PCDHGA4: variants seen among roughly 807,000 people sequenced by gnomAD.
PCDHGA4 encodes protocadherin gamma-A4.
PCDHGA4 carries 38 observed loss-of-function variants against 54.6 expected under a neutral mutation model. The observed-to-expected ratio is 0.70, with a 90% CI of 0.54 to 0.91. The LOEUF (loss-of-function observed/expected upper bound fraction) is 0.91, where lower values mean the gene tolerates loss of function less well. Among genes scored for constraint, PCDHGA4 ranks in the 40% least tolerant of loss-of-function variants. PCDHGA4 has a pLI of 0.00. For synonymous variants in PCDHGA4, 511 were observed against 512.9 expected, an observed-to-expected ratio of 1.00 and a Z score of 0.05; for missense variants, 1,298 against 1,220.9, an observed-to-expected ratio of 1.06 and a Z score of -0.94.
chr5:141,375,377 C>G, intron 1 of PCDHGA4: 1 of 1,613,940 alleles, frequency 6.2e-7, no homozygotes, highest in South Asian at 1.1e-5. Context: ...AACACCACCT[C>G]TGTCTACAGA....
intron 1 of PCDHGA4, among the ~76,000 whole-genome samples, chr5:141,469,108 C>A (rs923728484): frequency 4.0e-5 from 6 of 151,768 alleles, no homozygotes; most frequent in Non-Finnish European, 5.9e-5. Context: ...AAGAACCTGT[C>A]TCTAAAAAAA....
At position 141,383,863 on chromosome 5, in the gene PCDHGA4, C is replaced by G. The variant is rs768251798; in HGVS notation, c.2514+26242C>G. ...CTTCTATGAAATGGAGGTTCAGGCT[C>G]AAGATGGTCCTGGTAGTCTGACAAA... On this transcript the variant is annotated intron_variant, in intron 1 of 3. Coordinates refer to ENST00000571252, the MANE Select transcript of PCDHGA4 (RefSeq NM_018917.4). 4.3e-6 allele frequency: 7 copies of G among 1,613,772 alleles called. No homozygotes were observed. Among genetic ancestry groups the G allele is most frequent in the African/African-American group, 2.7e-5 (2 of 74,914 alleles).
At position 141,383,772 on chromosome 5, in the gene PCDHGA4, G is replaced by A. The variant is rs187406135; in HGVS notation, c.2514+26151G>A. The A allele has an allele frequency of 1.7e-5, 27 of 1,613,982 alleles. No homozygotes were observed. Among genetic ancestry groups the A allele is most frequent in the Admixed American group, 8.3e-5 (5 of 60,026 alleles). ...AAATAACTCCTAAACTTCCAAAGAT[G>A]TTTCATCTGAACTCGCTTACAGGAG... is the stretch of plus-strand genomic sequence containing the variant. On this transcript the variant is annotated intron_variant, in intron 1 of 3. Transcript: ENST00000571252.
intron 1 of PCDHGA4, chr5:141,391,580 C>A (rs1392857666): frequency 3.3e-5 from 5 of 152,116 alleles, no homozygotes; most frequent in South Asian, 2.1e-4. Flanking sequence ...AATATATTCA[C>A]AGGAAAATAT....
At chr5:141,391,837 T>C (rs2092427916) in intron 1 of PCDHGA4, 1 of 152,236 alleles carries the variant, frequency 6.6e-6, no homozygotes, top group Non-Finnish European at 1.5e-5. Flanking sequence ...TTAGAATATA[T>C]GTAAAAGTCA....
chr5:141,383,347 G>A, intron 1 of PCDHGA4: 1 of 1,614,012 alleles, frequency 6.2e-7, no homozygotes, highest in Non-Finnish European at 8.5e-7. Context: ...AGCTCCTGGG[G>A]TTCGGTTTCC....
At chr5:141,389,828 A>C in intron 1 of PCDHGA4, 1 of 1,613,938 alleles carries the variant, frequency 6.2e-7, no homozygotes, top group Non-Finnish European at 8.5e-7. Flanking sequence ...GTGACGGTGG[A>C]CAGCCACCAC....
chr5:141,415,740 GTTTTTTTTTTTTTTTTTT>G (rs57426385), intron 1 of PCDHGA4: 9 of 625,028 alleles, frequency 1.4e-5, no homozygotes, highest in African/African-American at 5.0e-5. Flanking sequence ...GTTTATTAAG[GTTTTTTTTTTTTTTTTTT>G]TTTTTTTTTT....
At position 141,356,124 on chromosome 5, in the gene PCDHGA4, T is replaced by C. The variant is rs1402643730; in HGVS notation, c.1017T>C (p.Asp339=). Residue 339 remains aspartate, a synonymous_variant, in exon 1 of 4, where the codon GAT becomes GAC. Transcript: ENST00000571252. ...ATATAACAATATTGGGGGGTCTAGA[T>C]TATGAGGACTCTGGATTCTATGACA... is the stretch of plus-strand genomic sequence containing the variant. ...SGDITILGGL[D]YEDSGFYDID... The C allele has an allele frequency of 1.9e-6, 3 of 1,613,758 alleles. No individual in the cohort carries two copies. Among genetic ancestry groups the C allele is most frequent in the Non-Finnish European group, 2.5e-6 (3 of 1,179,866 alleles).
At chr5:141,394,883 ACT>A (rs1415060925) in intron 1 of PCDHGA4, 4 of 1,611,604 alleles carry the variant, frequency 2.5e-6, no homozygotes, top group Admixed American at 1.7e-5. Context: ...CGAGCCTTAC[ACT>A]CTATCTCGTG....
intron 1 of PCDHGA4, among the ~76,000 whole-genome samples, chr5:141,402,158 G>A (rs1276790302): frequency 2.0e-5 from 3 of 151,990 alleles, no homozygotes; most frequent in Non-Finnish European, 2.9e-5. Context: ...AATATTAGGC[G>A]AGAACATCTG....
intron 1 of PCDHGA4, among the ~76,000 whole-genome samples, chr5:141,446,545 C>T (rs903831454): frequency 4.6e-5 from 7 of 151,914 alleles, no homozygotes; most frequent in African/African-American, 1.7e-4. Context: ...GGCCCTATCT[C>T]TGCTCACTGC....
At chr5:141,375,521 GACGTGGACCAGA>G in intron 1 of PCDHGA4, 1 of 1,613,994 alleles carries the variant, frequency 6.2e-7, no homozygotes, top group Non-Finnish European at 8.5e-7. Context: ...ACTGGACCCT[GACGTGGACCAGA>G]ACGCCCAAGT....
chr5:141,467,532 T>G (rs2099145568), intron 1 of PCDHGA4, among the ~76,000 whole-genome samples: 1 of 152,234 alleles, frequency 6.6e-6, no homozygotes, highest in Non-Finnish European at 1.5e-5. Flanking sequence ...TGTGCTGAGA[T>G]ATGGATCTGA....
intron 1 of PCDHGA4, chr5:141,388,506 T>C: frequency 6.2e-7 from 1 of 1,613,870 alleles, no homozygotes; most frequent in Non-Finnish European, 8.5e-7. Flanking sequence ...GCAGAAATCC[T>C]ACCACTTGAC....
At chr5:141,366,029 C>G (rs766110369) in intron 1 of PCDHGA4, 1 of 1,614,260 alleles carries the variant, frequency 6.2e-7, no homozygotes, top group Admixed American at 1.7e-5. Flanking sequence ...GTACCCCGCC[C>G]TCCCCACAGA....
At chr5:141,407,370 A>G (rs1434825695) in intron 1 of PCDHGA4, among the ~76,000 whole-genome samples, 2 of 152,228 alleles carry the variant, frequency 1.3e-5, no homozygotes, top group Non-Finnish European at 2.9e-5. Flanking sequence ...ACAGATATCC[A>G]TGAAGGCTTG....
intron 1 of PCDHGA4, chr5:141,408,047 A>C (rs1038145479): frequency 2.4e-6 from 3 of 1,243,316 alleles, no homozygotes; most frequent in Non-Finnish European, 3.2e-6. Context: ...GCTCCCACAC[A>C]GAGCCTCCCG....
chr5:141,464,263 TAAA>T (rs35224477), intron 1 of PCDHGA4, among the ~76,000 whole-genome samples: 2 of 103,604 alleles, frequency 1.9e-5, no homozygotes, highest in Non-Finnish European at 1.9e-5. Flanking sequence ...AGACTCCGTC[TAAA>T]AAAAAAAAAA....
Sources: allele counts gnomAD v4.1 joint callset (sites outside exome capture counted in the v4.1 genomes callset), GRCh38; gene constraint gnomAD v4.1.1; transcripts MANE v1.5; gene names NCBI Gene and HGNC (gene_info 2026-07-23, HGNC 2026-07-21).